Variants in PARD3B observed in about 807,000 individuals in gnomAD.
PARD3B encodes the protein par-3 family cell polarity regulator beta.
PARD3B carries 103 observed loss-of-function variants against 130.2 expected under a neutral mutation model. The ratio of observed to expected loss-of-function variants is 0.79; its 90% CI spans 0.67 to 0.93. The LOEUF is 0.93. PARD3B is among the 40% of genes least tolerant of loss of function. The probability of loss-of-function intolerance (pLI) is 0.00; values close to 1 mark genes in which losing one functional copy is unlikely to be tolerated. For synonymous variants in PARD3B, 583 were observed against 553.2 expected (o/e 1.05, Z -0.76); for missense variants, 1,609 against 1,499.2 (o/e 1.07, Z -1.21).
At chr2:205,046,074 T>G (rs958261320) in intron 3 of PARD3B, among the ~76,000 whole-genome samples, 4 of 152,154 alleles carry the variant, frequency 2.6e-5, no homozygotes, top group African/African-American at 9.7e-5. Context: ...AATGAGTTCC[T>G]TTGAGGATAT....
intron 22 of PARD3B, among the ~76,000 whole-genome samples, chr2:205,583,592 C>T (rs2054084289): frequency 6.6e-6 from 1 of 152,198 alleles, no homozygotes; most frequent in Non-Finnish European, 1.5e-5. Context: ...ATCCTCACCA[C>T]ATCCCTATTA....
intron 16 of PARD3B, among the ~76,000 whole-genome samples, chr2:205,283,183 A>G (rs892279066): frequency 2.0e-5 from 3 of 152,220 alleles, no homozygotes; most frequent in South Asian, 2.1e-4. Context: ...TCAGATTCAC[A>G]TTTGTTCACA....
intron 18 of PARD3B, among the ~76,000 whole-genome samples, chr2:205,324,605 CT>C (rs1450609509): frequency 3.9e-5 from 6 of 152,016 alleles, no homozygotes; most frequent in Non-Finnish European, 8.8e-5. Context: ...TCACTTCCTC[CT>C]TCTTGACACT....
In PARD3B at chr2:205,270,498, C is replaced by T. The variant is rs560769629; in HGVS notation, c.2185+24676C>T. Among the ~76,000 whole-genome samples, 80 of 151,498 alleles carry T rather than the reference C, an allele frequency of 5.3e-4. No individual in the cohort carries two copies. The Middle Eastern group carries it at 0.01, about 19-fold the overall frequency. On this transcript the variant is annotated intron_variant, in intron 16 of 22. Coordinates refer to ENST00000406610, the MANE Select transcript of PARD3B (RefSeq NM_001302769.2). ...AGGAATATCGCTTGAACCCGGGAGGCGGAGGTTGCAGTGAGCCAAGATCAT... is the reference window on the plus strand; with the variant it reads ...AGGAATATCGCTTGAACCCGGGAGGTGGAGGTTGCAGTGAGCCAAGATCAT...
At chr2:205,580,566 G>A (rs2053926727) in intron 22 of PARD3B, among the ~76,000 whole-genome samples, 1 of 152,142 alleles carries the variant, frequency 6.6e-6, no homozygotes, top group Non-Finnish European at 1.5e-5. Context: ...CTATACTAAT[G>A]CCTATTTTTT....
At chr2:205,481,168 A>G (rs775015765) in intron 20 of PARD3B, among the ~76,000 whole-genome samples, 1 of 152,196 alleles carries the variant, frequency 6.6e-6, no homozygotes, top group African/African-American at 2.4e-5. Flanking sequence ...TTTTTAAACA[A>G]TTGATATGAT....
At chr2:204,939,751 C>T (rs1559280731) in intron 2 of PARD3B, among the ~76,000 whole-genome samples, 1 of 152,124 alleles carries the variant, frequency 6.6e-6, no homozygotes, top group Non-Finnish European at 1.5e-5. Flanking sequence ...TAAACAGGGC[C>T]TTGTAGCTTT....
rs1553500368 is a variant in PARD3B, at chr2:205,383,117, T to TAGATAGATAGAG, written c.2631-17885_2631-17884insGAGATAGATAGA. ...ATAGATAGATAGATAGATAGATAGA[T>TAGATAGATAGAG]AGATAGATAGATAGATAGATAGATC... On this transcript the variant is annotated intron_variant, in intron 18 of 22. Coordinates refer to ENST00000406610, the MANE Select transcript of PARD3B (RefSeq NM_001302769.2). Among the ~76,000 whole-genome samples the TAGATAGATAGAG allele has an allele frequency of 5.6e-3, 834 of 149,898 alleles. 13 individuals are homozygous for TAGATAGATAGAG. Among genetic ancestry groups the TAGATAGATAGAG allele is most frequent in the Non-Finnish European group, 6.3e-3 (427 of 67,358 alleles).
chr2:205,301,822 G>A lies in PARD3B; in HGVS notation c.2630+121G>A. 1 of 1,464,460 alleles carries A rather than the reference G, an allele frequency of 6.8e-7. No individual in the cohort carries two copies. Among genetic ancestry groups the A allele is most frequent in the Non-Finnish European group, 9.6e-7 (1 of 1,043,794 alleles). The allele number at this position is 1,464,460 out of a possible 1,614,324, so 90.7% of individuals were successfully genotyped here. A position where few individuals can be genotyped will look rare whatever the true frequency, so the allele number is the denominator to read the frequency against. ...CCTCGTCTTCAGCCAAATGCATACG[G>A]CTCTCAATTCTGTGCTCGTTCTCTT... On this transcript the variant is annotated intron_variant, in intron 18 of 22. Coordinates refer to ENST00000406610, the MANE Select transcript of PARD3B (RefSeq NM_001302769.2). The surrounding 1 kb of genome is among the most constrained non-coding windows in gnomAD (Gnocchi z 5.2).
chr2:204,876,551 C>T (rs781027408), intron 2 of PARD3B, among the ~76,000 whole-genome samples: 6 of 152,136 alleles, frequency 3.9e-5, no homozygotes. Context: ...AAGTAAGATG[C>T]GAAGAAGACT....
At chr2:204,953,418 CACAGAGAGAGAGAGAGAGAGAGAGAG>C (rs1345162980) in intron 2 of PARD3B, among the ~76,000 whole-genome samples, 7 of 117,426 alleles carry the variant, frequency 6.0e-5, no homozygotes, top group African/African-American at 9.6e-5. Context: ...CATACACACA[CACAGAGAGAGAGAGAGAGAGAGAGAG>C]AGAGAGAGAG....
intron 1 of PARD3B, among the ~76,000 whole-genome samples, chr2:204,641,369 T>C (rs182411951): frequency 7.2e-5 from 11 of 151,994 alleles, no homozygotes; most frequent in Non-Finnish European, 1.3e-4. Context: ...TAGAAGTGTC[T>C]AGATGGGGCT....
chr2:204,980,000 G>T (rs1011264258), intron 3 of PARD3B, among the ~76,000 whole-genome samples: 2 of 152,116 alleles, frequency 1.3e-5, no homozygotes, highest in African/African-American at 4.8e-5. Flanking sequence ...TGGGTTATGT[G>T]CAATAAAGAA....
chr2:205,406,063 C>T (rs1384598596), intron 19 of PARD3B, among the ~76,000 whole-genome samples: 6 of 152,138 alleles, frequency 3.9e-5, no homozygotes, highest in East Asian at 1.9e-4. Flanking sequence ...ACAGAGCATG[C>T]GGGTACTAAA....
chr2:205,329,003 G>A (rs1445697687), intron 18 of PARD3B, among the ~76,000 whole-genome samples: 2 of 152,058 alleles, frequency 1.3e-5, no homozygotes, highest in African/African-American at 4.8e-5. Flanking sequence ...CCTCCTGTAG[G>A]AAATTAAATC....
intron 1 of PARD3B, among the ~76,000 whole-genome samples, chr2:204,548,074 C>G (rs1222838666): frequency 6.6e-6 from 1 of 151,852 alleles, no homozygotes; most frequent in Admixed American, 6.6e-5. Context: ...TGATTTTTCC[C>G]CTCCCCAAGT....
intron 2 of PARD3B, among the ~76,000 whole-genome samples, chr2:204,764,584 G>A (rs1230478156): frequency 3.3e-5 from 5 of 152,034 alleles, no homozygotes; most frequent in Non-Finnish European, 5.9e-5. Flanking sequence ...GTTTTACTAA[G>A]ATTGAAAGAA....
intron 3 of PARD3B, among the ~76,000 whole-genome samples, chr2:204,984,383 T>C (rs1040664576): frequency 6.6e-6 from 1 of 152,098 alleles, no homozygotes. Flanking sequence ...GAGTTTCATA[T>C]TGAAGGTGGA....
At chr2:205,330,030 TAAATA>T (rs1553675922) in intron 18 of PARD3B, among the ~76,000 whole-genome samples, 103 of 3,454 alleles carry the variant, frequency 0.03, no homozygotes, top group African/African-American at 0.067. Flanking sequence ...AATAAATAAA[TAAATA>T]AAATAAAATA....
Sources: allele counts gnomAD v4.1 joint callset (sites outside exome capture counted in the v4.1 genomes callset), GRCh38; gene constraint gnomAD v4.1.1; non-coding constraint Gnocchi (gnomAD v3.1); transcripts MANE v1.5; gene names NCBI Gene and HGNC (gene_info 2026-07-23, HGNC 2026-07-21).